The following STAG1 variants were observed in gnomAD, a reference collection of about 807,000 sequenced individuals.
STAG1 encodes the protein STAG1 cohesin complex component.
Under a neutral mutation model 170.9 loss-of-function variants are expected in STAG1, and 26 were observed. The ratio of observed to expected loss-of-function variants is 0.15; its 90% confidence interval spans 0.11 to 0.21. The LOEUF (loss-of-function observed/expected upper bound fraction) is 0.21, where lower values mean the gene tolerates loss of function less well. Ranked by LOEUF, STAG1 falls within the 10% of genes least tolerant of loss-of-function variation. STAG1 has a pLI of 1.00. For synonymous variants in STAG1, 514 were observed against 497.7 expected (o/e 1.03, Z -0.44); for missense variants, 964 against 1,509.5 (o/e 0.64, Z 5.99).
At chr3:136,420,851 G>A (rs928765978) in intron 20 of STAG1, among the ~76,000 whole-genome samples, 40 of 152,144 alleles carry the variant, frequency 2.6e-4, no homozygotes, top group Admixed American at 6.5e-5. Context: ...CTCGGCTCAC[G>A]ACAACCCCCA....
At chr3:136,587,994 C>T (rs1937929347) in intron 4 of STAG1, among the ~76,000 whole-genome samples, 1 of 152,098 alleles carries the variant, frequency 6.6e-6, no homozygotes, top group Non-Finnish European at 1.5e-5. Context: ...ATAGCCTACA[C>T]TTAACACAAT....
chr3:136,435,095 G>T (rs899528027), intron 15 of STAG1, among the ~76,000 whole-genome samples: 7 of 152,044 alleles, frequency 4.6e-5, no homozygotes, highest in African/African-American at 1.7e-4. Flanking sequence ...GGCATAATTT[G>T]TTATAACTTA....
In STAG1 at chr3:136,369,173, G is replaced by T. The variant is rs1372003044; in HGVS notation, c.2480C>A (p.Ser827Tyr). Reference protein sequence around the residue: ...LVFNPDTGLQSELLSFVMDHV... With the variant: ...LVFNPDTGLQYELLSFVMDHV... The stretch of plus-strand genomic sequence containing the variant: ...ATCCATCACAAAACTGAGGAGTTCA[G>T]ATTGGAGTCCAGTATCTGGATTGAA... Residue 827 changes from serine (S) to tyrosine (Y), a missense_variant, in exon 24 of 34, where the codon TCT becomes TAT. Physicochemically the swap from Ser to Tyr is moderately radical, Grantham distance 144. Transcript: ENST00000383202. 6.2e-7 allele frequency: 1 copy of T among 1,602,990 alleles called. No homozygotes were observed. Among genetic ancestry groups the T allele is most frequent in the Non-Finnish European group, 8.5e-7 (1 of 1,176,928 alleles).
chr3:136,469,094 T>A (rs1576499742), intron 12 of STAG1, among the ~76,000 whole-genome samples: 1 of 152,284 alleles, frequency 6.6e-6, no homozygotes, highest in East Asian at 1.9e-4. Context: ...GGATGCCCTC[T>A]CTCACCACTC....
intron 5 of STAG1, among the ~76,000 whole-genome samples, chr3:136,542,819 T>C (rs1323768561): frequency 6.6e-6 from 1 of 152,156 alleles, no homozygotes; most frequent in Non-Finnish European, 1.5e-5. Context: ...ATTTAATCTT[T>C]ACAACAGCCT....
In STAG1 at chr3:136,654,953, T is replaced by G. The variant is rs555885922; in HGVS notation, c.-83-23972A>C. On this transcript the variant is annotated intron_variant, in intron 1 of 33. Transcript: ENST00000383202. ...AAAAACTGGGTAGCCACATGCAAAT[T>G]TGGACCCTTATTTAACACTAAATAC... 2.1e-4 allele frequency among the ~76,000 whole-genome samples: 32 copies of G among 152,178 alleles called. 1 individual carries two copies. The highest frequency in any genetic ancestry group is 7.7e-4 in the African/African-American group (32 of 41,426).
At chr3:136,490,595 C>T (rs2107844047) in intron 9 of STAG1, among the ~76,000 whole-genome samples, 1 of 152,150 alleles carries the variant, frequency 6.6e-6, no homozygotes, top group Admixed American at 6.5e-5. Flanking sequence ...GAAAAATATC[C>T]TCTAATTAAT....
At chr3:136,437,557 C>T (rs2088494934) in intron 15 of STAG1, among the ~76,000 whole-genome samples, 1 of 152,150 alleles carries the variant, frequency 6.6e-6, no homozygotes, top group Non-Finnish European at 1.5e-5. Flanking sequence ...AGTCTTATCA[C>T]CTTGAACTCT....
chr3:136,402,231 T>G (rs947665013), intron 21 of STAG1, among the ~76,000 whole-genome samples: 26 of 151,982 alleles, frequency 1.7e-4, no homozygotes, highest in Admixed American at 5.9e-4. Flanking sequence ...TTAATTTTTT[T>G]GGGGGGGACA....
At chr3:136,708,584 G>A (rs927857047) in intron 1 of STAG1, among the ~76,000 whole-genome samples, 4 of 151,772 alleles carry the variant, frequency 2.6e-5, no homozygotes, top group African/African-American at 9.7e-5. Context: ...GACACTAAAT[G>A]GTATACTTCA....
chr3:136,548,327 T>C (rs1434186957), intron 5 of STAG1, among the ~76,000 whole-genome samples: 3 of 152,164 alleles, frequency 2.0e-5, no homozygotes, highest in Non-Finnish European at 4.4e-5. Flanking sequence ...TTGCCCAGGC[T>C]GGTCTCAAAC....
chr3:136,656,234 G>A (rs1012993470), intron 1 of STAG1, among the ~76,000 whole-genome samples: 1 of 151,994 alleles, frequency 6.6e-6, no homozygotes, highest in Admixed American at 6.6e-5. Context: ...TAAATTCATA[G>A]GAACAGAAAG....
rs576196273 is a variant in STAG1, at chr3:136,372,301, C to A, written c.2371-3019G>T. On this transcript the variant is annotated intron_variant, in intron 23 of 33. Coordinates refer to ENST00000383202, the MANE Select transcript of STAG1 (RefSeq NM_005862.3). ...CAATCATGTCATCTGCAAACAGGGA[C>A]AATTTGACTTCCTCTTTTCCTAACT... Among the ~76,000 whole-genome samples the A allele has an allele frequency of 3.3e-5, 5 of 152,284 alleles. No homozygotes were observed. The South Asian group carries it at 8.3e-4, about 25-fold the overall frequency.
intron 15 of STAG1, among the ~76,000 whole-genome samples, chr3:136,436,493 G>C (rs2088466744): frequency 6.6e-6 from 1 of 152,084 alleles, no homozygotes; most frequent in Non-Finnish European, 1.5e-5. Flanking sequence ...TGTTGGCCTG[G>C]CTGGTCTCGA....
In STAG1 at chr3:136,521,334, C is replaced by G; in HGVS notation, c.555G>C (p.Leu185=). 2 of 1,613,780 alleles carry G rather than the reference C, an allele frequency of 1.2e-6. No homozygotes were observed. The highest frequency in any genetic ancestry group is 1.7e-6 in the Non-Finnish European group (2 of 1,179,772). ...TTATGCTATACTGACACTGTCGAAT[C>G]AGGACTCCAATAAATTCACAAAAGT... The part of the protein sequence containing the change: ...RSNFCEFIGV[L]IRQCQYSIIY... The change falls in exon 7 of 34, where the codon CTG becomes CTC. Residue 185 remains leucine (L), a synonymous_variant. Coordinates refer to ENST00000383202, the MANE Select transcript of STAG1 (RefSeq NM_005862.3).
chr3:136,742,803 A>T (rs985217447), intron 1 of STAG1, among the ~76,000 whole-genome samples: 4 of 152,184 alleles, frequency 2.6e-5, no homozygotes, highest in Non-Finnish European at 5.9e-5. Flanking sequence ...AAAGAATGTC[A>T]AGGTAAATTA....
At chr3:136,670,323 TTAAG>T (rs1378574770) in intron 1 of STAG1, among the ~76,000 whole-genome samples, 2 of 152,214 alleles carry the variant, frequency 1.3e-5, no homozygotes, top group Non-Finnish European at 2.9e-5. Context: ...TGATTCATAA[TTAAG>T]TGATTTTAAA....
intron 5 of STAG1, among the ~76,000 whole-genome samples, chr3:136,563,636 CTTCT>C (rs1382084440): frequency 7.0e-6 from 1 of 143,324 alleles, no homozygotes; most frequent in East Asian, 2.0e-4. Flanking sequence ...CTTATATTCC[CTTCT>C]TTCTTACAAA....
chr3:136,468,254 C>T (rs908849630), intron 12 of STAG1, among the ~76,000 whole-genome samples: 2 of 151,896 alleles, frequency 1.3e-5, no homozygotes, highest in Non-Finnish European at 2.9e-5. Context: ...ACTGATAGAC[C>T]ACTAGCAAGA....
Sources: gnomAD v4.1 joint callset for allele counts (sites outside exome capture counted in the v4.1 genomes callset) on GRCh38, gnomAD v4.1.1 for gene constraint, MANE v1.5 for transcripts, NCBI Gene and HGNC (gene_info 2026-07-23, HGNC 2026-07-21) for gene names.